CCDC146: variants seen among roughly 807,000 people sequenced by gnomAD.
CCDC146 encodes the protein coiled-coil domain-containing protein 146.
A neutral mutation model predicts 119.3 loss-of-function variants in CCDC146; 92 were observed. That is an observed-to-expected ratio of 0.77 (90% CI 0.65 to 0.92). CCDC146 has a LOEUF of 0.92. Ranked by LOEUF, CCDC146 falls within the 40% of genes least tolerant of loss-of-function variation. CCDC146 has a pLI of 0.00. For synonymous variants in CCDC146, 372 were observed against 371.8 expected, an observed-to-expected ratio of 1.00 and a Z score of -0.01; for missense variants, 1,000 against 1,103.0, an observed-to-expected ratio of 0.91 and a Z score of 1.32.
chr7:77,228,675 A>G (rs946816304), intron 2 of CCDC146, among the ~76,000 whole-genome samples: 24 of 152,248 alleles, frequency 1.6e-4, no homozygotes, highest in Non-Finnish European at 3.2e-4. Context: ...GTATATACCC[A>G]TTAATGGGAT....
At position 77,289,752 on chromosome 7, in the gene CCDC146, G is replaced by A. The variant is rs1055717495; in HGVS notation, c.2415+2175G>A. Among the ~76,000 whole-genome samples, 9 of 152,304 alleles carry A rather than the reference G, an allele frequency of 5.9e-5. 1 individual carries two copies. The highest frequency in any genetic ancestry group is 2.2e-4 in the African/African-American group (9 of 41,566). ...CCAACAGAAATGGGAGCAGAAAGTG[G>A]GAAATCTCAGTTAAGACTTGGAGCA... On this transcript the variant is annotated intron_variant, in intron 17 of 18. Coordinates refer to ENST00000285871, the MANE Select transcript of CCDC146 (RefSeq NM_020879.3).
rs945663114 is a variant in CCDC146 at position 77,144,328 on chromosome 7, G to A, written c.-12+21596G>A. 2.5e-4 allele frequency among the ~76,000 whole-genome samples: 38 copies of A among 151,672 alleles called. 2 individuals carry two copies. Among genetic ancestry groups the A allele is most frequent in the African/African-American group, 9.0e-4 (37 of 41,024 alleles). On this transcript the variant is annotated intron_variant, in intron 1 of 18. Coordinates refer to ENST00000285871, the MANE Select transcript of CCDC146 (RefSeq NM_020879.3). ...AAGGAGATTTTGGGCTGAGATGATG[G>A]GGTTTTCTAAATATACAATCATGTC...
rs566942803 is a variant in CCDC146, at chr7:77,286,534, T to C, written c.2149-264T>C. Among the ~76,000 whole-genome samples the C allele has an allele frequency of 2.6e-5, 4 of 152,320 alleles. No individual in the cohort carries two copies. In the East Asian group the frequency reaches 7.7e-4, roughly 29 times the overall value. ...AAATGGGAAGCAATCAAGGGCCGCT[T>C]GTGAAACCAGCTTTTTCTATGACCC... On this transcript the variant is annotated intron_variant, in intron 15 of 18. Transcript: ENST00000285871.
intron 4 of CCDC146, among the ~76,000 whole-genome samples, chr7:77,245,953 G>A (rs760428829): frequency 1.9e-4 from 29 of 152,050 alleles, no homozygotes; most frequent in Non-Finnish European, 3.8e-4. Flanking sequence ...CTCTGAATGT[G>A]TTTCTCATTA....
At chr7:77,265,948 G>A (rs1562854310) in intron 9 of CCDC146, among the ~76,000 whole-genome samples, 2 of 152,342 alleles carry the variant, frequency 1.3e-5, no homozygotes, top group East Asian at 1.9e-4. Context: ...ATGACCATGT[G>A]TGTTGGCATG....
rs772704744 is a variant in CCDC146 at position 77,196,676 on chromosome 7, T to C, written c.156+28852T>C. On this transcript the variant is annotated intron_variant, in intron 2 of 18. Transcript: ENST00000285871. This position sits in a 1 kb window ranked among gnomAD's most constrained non-coding sequence, Gnocchi z 4.2. ...ATACAAGGCATATAGTTCGACACCA[T>C]TAAAGTCTTCAAGATCTATTCTCAG... 2 of 1,614,086 alleles carry C rather than the reference T, an allele frequency of 1.2e-6. No individual in the cohort carries two copies. Among genetic ancestry groups the C allele is most frequent in the Non-Finnish European group, 1.7e-6 (2 of 1,180,004 alleles).
chr7:77,292,214 A>G (rs1793956903), intron 17 of CCDC146, among the ~76,000 whole-genome samples: 1 of 151,930 alleles, frequency 6.6e-6, no homozygotes, highest in South Asian at 2.1e-4. Context: ...GAATTGCTTG[A>G]GCCCCGGAGT....
In CCDC146 at chr7:77,268,033, A is replaced by G. The variant is rs576126474; in HGVS notation, c.1174-5661A>G. Among the ~76,000 whole-genome samples the G allele has an allele frequency of 2.0e-4, 30 of 152,320 alleles. No individual in the cohort carries two copies. The South Asian group carries it at 6.2e-3, about 32-fold the overall frequency. ...AGGGAGTCTCAATAGAGGGTATTAG[A>G]AAGGACTTACAGGATATGTGTCATG... On this transcript the variant is annotated intron_variant, in intron 9 of 18. Coordinates refer to ENST00000285871, the MANE Select transcript of CCDC146 (RefSeq NM_020879.3).
chr7:77,266,645 C>T (rs1793407346), intron 9 of CCDC146, among the ~76,000 whole-genome samples: 1 of 152,250 alleles, frequency 6.6e-6, no homozygotes, highest in Middle Eastern at 3.4e-3. Flanking sequence ...GAGAAGATGA[C>T]ATCATCAGGC....
chr7:77,214,953 C>G (rs1018185160), intron 2 of CCDC146, among the ~76,000 whole-genome samples: 6 of 152,030 alleles, frequency 3.9e-5, no homozygotes, highest in African/African-American at 9.7e-5. Flanking sequence ...ATTAATAATA[C>G]TTGCCTGGGT....
intron 15 of CCDC146, 39 bp downstream of exon 15, chr7:77,282,824 AT>A: frequency 7.0e-7 from 1 of 1,428,050 alleles, no homozygotes; most frequent in Non-Finnish European, 9.8e-7. Context: ...CAGACCATTT[AT>A]TTTTTTCTGC....
intron 1 of CCDC146, among the ~76,000 whole-genome samples, chr7:77,145,923 G>A (rs1791010120): frequency 6.6e-6 from 1 of 152,204 alleles, no homozygotes; most frequent in Admixed American, 6.5e-5. Context: ...TTCTGTAGAT[G>A]TCTATTAGGT....
At chr7:77,285,936 C>T (rs7786334) in intron 15 of CCDC146, among the ~76,000 whole-genome samples, 1 of 152,064 alleles carries the variant, frequency 6.6e-6, no homozygotes, top group East Asian at 1.9e-4. Flanking sequence ...AGCCATTAAA[C>T]CTATTGCCAG....
chr7:77,144,169 T>C (rs1790979457), intron 1 of CCDC146, among the ~76,000 whole-genome samples: 2 of 151,720 alleles, frequency 1.3e-5, no homozygotes, highest in South Asian at 4.1e-4. Flanking sequence ...TTTTATTCTC[T>C]TTGAAGCAAT....
rs367696688 is a variant in CCDC146 at position 77,182,014 on chromosome 7, C to T, written c.156+14190C>T. On this transcript the variant is annotated intron_variant, in intron 2 of 18. Coordinates refer to ENST00000285871, the MANE Select transcript of CCDC146 (RefSeq NM_020879.3). Reference sequence around the variant, plus strand: ...AAGCAACAAGGTTAGAACCTAATGCCAAGTTATTACCTTCTGAGGCAAAAT... The same window carrying T: ...AAGCAACAAGGTTAGAACCTAATGCTAAGTTATTACCTTCTGAGGCAAAAT... Among the ~76,000 whole-genome samples, 29 of 152,236 alleles carry T rather than the reference C, an allele frequency of 1.9e-4. No homozygotes were observed. In the East Asian group the frequency reaches 3.3e-3, roughly 17 times the overall value.
At chr7:77,163,599 T>A (rs1236702581) in intron 1 of CCDC146, among the ~76,000 whole-genome samples, 1 of 152,170 alleles carries the variant, frequency 6.6e-6, no homozygotes, top group Non-Finnish European at 1.5e-5. Flanking sequence ...AAAGGAGTGC[T>A]ATGCAGGTAT....
intron 2 of CCDC146, among the ~76,000 whole-genome samples, chr7:77,222,726 C>T (rs1792428558): frequency 6.6e-6 from 1 of 152,210 alleles, no homozygotes; most frequent in Non-Finnish European, 1.5e-5. Context: ...ATGTGTAGCC[C>T]TTGTATGAGA....
At chr7:77,244,354 C>T (rs1002406090) in intron 4 of CCDC146, among the ~76,000 whole-genome samples, 1 of 152,102 alleles carries the variant, frequency 6.6e-6, no homozygotes, top group Non-Finnish European at 1.5e-5. Context: ...ATAAGGTCTA[C>T]AGTAGTGTAA....
At chr7:77,238,626 C>G (rs966073460) in intron 3 of CCDC146, among the ~76,000 whole-genome samples, 1 of 152,138 alleles carries the variant, frequency 6.6e-6, no homozygotes, top group African/African-American at 2.4e-5. Flanking sequence ...ACTGGGTTAG[C>G]CAGGATGGTC....
Sources: gnomAD v4.1 joint callset for allele counts (sites outside exome capture counted in the v4.1 genomes callset) on GRCh38, gnomAD v4.1.1 for gene constraint, Gnocchi (gnomAD v3.1) non-coding constraint, MANE v1.5 for transcripts, NCBI Gene and HGNC (gene_info 2026-07-23, HGNC 2026-07-21) for gene names.